Variants in SERPINB7 observed in about 807,000 individuals in gnomAD.
The protein encoded by SERPINB7 is serpin B7.
A neutral mutation model predicts 37.4 loss-of-function variants in SERPINB7; 31 were observed. The ratio of observed to expected loss-of-function variants is 0.83; its 90% CI spans 0.62 to 1.12. The LOEUF (loss-of-function observed/expected upper bound fraction) is 1.12. Ranked by LOEUF, SERPINB7 falls within the 50% of genes most tolerant of loss-of-function variation. The pLI, the probability that SERPINB7 is intolerant of heterozygous loss-of-function variation, is 0.00. For synonymous variants in SERPINB7, 163 were observed against 166.1 expected, an observed-to-expected ratio of 0.98 and a Z score of 0.14; for missense variants, 521 against 455.3, an observed-to-expected ratio of 1.14 and a Z score of -1.31.
At chr18:63,756,564 A>G (rs1415695800) in intron 1 of SERPINB7, among the ~76,000 whole-genome samples, 2 of 152,156 alleles carry the variant, frequency 1.3e-5, no homozygotes, top group African/African-American at 2.4e-5. Context: ...CTCTTATCCA[A>G]CAGAGTGGGC....
upstream of SERPINB7, among the ~76,000 whole-genome samples, chr18:63,773,493 C>T (rs2049223380): frequency 6.6e-6 from 1 of 152,108 alleles, no homozygotes; most frequent in Non-Finnish European, 1.5e-5. Flanking sequence ...ATTCTTATAT[C>T]TTCAGCCTAA....
At chr18:63,790,055 T>G (rs1355768768) in intron 2 of SERPINB7, among the ~76,000 whole-genome samples, 2 of 152,184 alleles carry the variant, frequency 1.3e-5, no homozygotes, top group Non-Finnish European at 2.9e-5. Flanking sequence ...ACTATTGAAA[T>G]AAAAATCACT....
chr18:63,786,144 C>CATATAT lies in SERPINB7; in HGVS notation c.168+3605_168+3606insTATATA, dbSNP rs2049368620. Among the ~76,000 whole-genome samples, 4 of 89,968 alleles carry CATATAT rather than the reference C, an allele frequency of 4.4e-5. 1 individual carries two copies. Among genetic ancestry groups the CATATAT allele is most frequent in the Non-Finnish European group, 9.9e-5 (4 of 40,342 alleles). The allele number at this position is 89,968 out of a possible 152,430, so 59.0% of individuals were successfully genotyped here. On this transcript the variant is annotated intron_variant, in intron 2 of 7. Transcript: ENST00000398019. The stretch of plus-strand genomic sequence containing the variant: ...ATATATATACGTATATACATATATA[C>CATATAT]ACACACACACACACACACACACCAG...
chr18:63,781,648 C>T (rs757682110), intron 1 of SERPINB7, among the ~76,000 whole-genome samples: 1 of 152,160 alleles, frequency 6.6e-6, no homozygotes, highest in Non-Finnish European at 1.5e-5. Context: ...GAAACAACAT[C>T]ATGAATTTGA....
Sources: allele counts gnomAD v4.1 joint callset (sites outside exome capture counted in the v4.1 genomes callset), GRCh38; gene constraint gnomAD v4.1.1; transcripts MANE v1.5; gene names NCBI Gene and HGNC (gene_info 2026-07-23, HGNC 2026-07-21).